Variants in MEF2C observed in about 807,000 individuals in gnomAD.
MEF2C encodes myocyte-specific enhancer factor 2C.
A neutral mutation model predicts 50.5 loss-of-function variants in MEF2C; 6 were observed. That is an observed-to-expected ratio of 0.12 (90% CI 0.07 to 0.23). The LOEUF is 0.23. MEF2C is among the 10% of genes least tolerant of loss of function. The probability of loss-of-function intolerance (pLI) is 1.00; values close to 1 mark genes in which losing one functional copy is unlikely to be tolerated. For synonymous variants in MEF2C, 183 were observed against 228.0 expected (o/e 0.80, Z 1.78); for missense variants, 276 against 605.0 (o/e 0.46, Z 5.70).
In MEF2C at chr5:88,789,667, G is replaced by A. The variant is rs79018131; in HGVS notation, c.258+14931C>T. ...CCTTCCAGCTAGTCATTAACTCTAT[G>A]ACCTTTAGAAATAATTGACAGAGAA... On this transcript the variant is annotated intron_variant, in intron 3 of 10. Coordinates refer to ENST00000504921, the MANE Select transcript of MEF2C (RefSeq NM_002397.5). Among the ~76,000 whole-genome samples, 1,491 of 152,168 alleles carry A rather than the reference G, an allele frequency of 9.8e-3. 15 individuals are homozygous for A. Among genetic ancestry groups the A allele is most frequent in the Non-Finnish European group, 0.015 (1,030 of 67,996 alleles).
intron 2 of MEF2C, among the ~76,000 whole-genome samples, chr5:88,810,828 T>C (rs1802466423): frequency 6.6e-6 from 1 of 152,220 alleles, no homozygotes; most frequent in Non-Finnish European, 1.5e-5. Flanking sequence ...GCATGCAACG[T>C]AAATCTGGGT....
chr5:88,752,297 C>A (rs1164437377), intron 4 of MEF2C, among the ~76,000 whole-genome samples: 1 of 152,160 alleles, frequency 6.6e-6, no homozygotes, highest in Non-Finnish European at 1.5e-5. Flanking sequence ...CATTAGACTC[C>A]ATTGTCTTTG....
At chr5:88,830,232 A>G (rs1812504827) in intron 1 of MEF2C, among the ~76,000 whole-genome samples, 1 of 152,080 alleles carries the variant, frequency 6.6e-6, no homozygotes, top group South Asian at 2.1e-4. Context: ...AATTTTCCCC[A>G]TGACCACGGC....
At chr5:88,853,249 T>A (rs1296953909) in intron 1 of MEF2C, among the ~76,000 whole-genome samples, 3 of 151,844 alleles carry the variant, frequency 2.0e-5, no homozygotes, top group Admixed American at 6.6e-5. Flanking sequence ...CATTTGTTTT[T>A]AAAAAAAAGT....
intron 6 of MEF2C, chr5:88,732,442 G>C (rs775937737): frequency 6.6e-6 from 1 of 152,542 alleles, no homozygotes; most frequent in East Asian, 1.9e-4. Flanking sequence ...TTCTCTCTAT[G>C]GTTTTTCTTC....
intron 1 of MEF2C, among the ~76,000 whole-genome samples, chr5:88,850,133 T>A (rs1176627281): frequency 6.6e-6 from 1 of 151,356 alleles, no homozygotes; most frequent in Non-Finnish European, 1.5e-5. Flanking sequence ...CCCCTTCCTG[T>A]GTGCATGTGC....
intron 3 of MEF2C, among the ~76,000 whole-genome samples, chr5:88,803,834 AT>A (rs1799319693): frequency 6.6e-6 from 1 of 152,202 alleles, no homozygotes; most frequent in Admixed American, 6.5e-5. Context: ...GGGAAAAAAA[AT>A]GTTCCAGCCA....
chr5:88,828,591 C>T (rs1477051458), intron 1 of MEF2C, among the ~76,000 whole-genome samples: 1 of 151,892 alleles, frequency 6.6e-6, no homozygotes, highest in Non-Finnish European at 1.5e-5. Flanking sequence ...TGATCATAAG[C>T]CCAGTTGCTG....
chr5:88,763,586 A>G (rs1235825421), intron 3 of MEF2C, among the ~76,000 whole-genome samples: 1 of 152,084 alleles, frequency 6.6e-6, no homozygotes. Flanking sequence ...AAAATATGTC[A>G]GATCAAGAAA....
At chr5:88,781,885 A>G (rs1254981643) in intron 3 of MEF2C, among the ~76,000 whole-genome samples, 1 of 152,160 alleles carries the variant, frequency 6.6e-6, no homozygotes, top group East Asian at 1.9e-4. Context: ...AGGCAGGAGA[A>G]TTGCTTGAGC....
intron 3 of MEF2C, among the ~76,000 whole-genome samples, chr5:88,767,293 T>C (rs1324381290): frequency 6.6e-6 from 1 of 152,246 alleles, no homozygotes; most frequent in Admixed American, 6.5e-5. Flanking sequence ...TGCCTTAGGC[T>C]GAGGGAAGAT....
intron 6 of MEF2C, chr5:88,733,459 G>C (rs1289914771): frequency 1.0e-6 from 1 of 985,234 alleles, no homozygotes; most frequent in Non-Finnish European, 1.2e-6. Context: ...TGGTCAGAAA[G>C]ATCTACTGGC....
At chr5:88,838,022 G>A (rs1815849939) in intron 1 of MEF2C, among the ~76,000 whole-genome samples, 1 of 152,098 alleles carries the variant, frequency 6.6e-6, no homozygotes, top group Admixed American at 6.6e-5. Flanking sequence ...CACACAGCTA[G>A]TGTTAGAGCT....
intron 3 of MEF2C, among the ~76,000 whole-genome samples, chr5:88,791,493 T>G (rs1793728033): frequency 6.6e-6 from 1 of 152,188 alleles, no homozygotes; most frequent in South Asian, 2.1e-4. Flanking sequence ...TTGCAAACTA[T>G]TAGAGCTGTG....
At chr5:88,886,496 G>A (rs777009281), upstream of MEF2C, among the ~76,000 whole-genome samples, 2 of 152,134 alleles carry the variant, frequency 1.3e-5, no homozygotes, top group South Asian at 2.1e-4. Context: ...GCTTCAGTTC[G>A]CTTATGTGTT....
chr5:88,896,589 C>T (rs1835142925), intron 1 of MEF2C, among the ~76,000 whole-genome samples: 1 of 152,084 alleles, frequency 6.6e-6, no homozygotes, highest in Admixed American at 6.6e-5. Context: ...ACAAATATTT[C>T]CCAACTTAGT....
At chr5:88,829,951 G>C (rs1410858776) in intron 1 of MEF2C, among the ~76,000 whole-genome samples, 1 of 151,958 alleles carries the variant, frequency 6.6e-6, no homozygotes, top group Non-Finnish European at 1.5e-5. Flanking sequence ...CTGCTCGTAT[G>C]ATTGCTTCCG....
chr5:88,876,276 T>C (rs1020427627), intron 1 of MEF2C, among the ~76,000 whole-genome samples: 2 of 151,586 alleles, frequency 1.3e-5, no homozygotes, highest in Non-Finnish European at 2.9e-5. Context: ...TGTTCTTCTG[T>C]GTGTGTGTGT....
chr5:88,768,555 A>G (rs1781004174), intron 3 of MEF2C: 1 of 274,912 alleles, frequency 3.6e-6, no homozygotes, highest in Non-Finnish European at 5.6e-6. Flanking sequence ...GAGCTACTAG[A>G]GGTTAGGAAT....
Sources: allele counts gnomAD v4.1 joint callset (sites outside exome capture counted in the v4.1 genomes callset), GRCh38; gene constraint gnomAD v4.1.1; transcripts MANE v1.5; gene names NCBI Gene and HGNC (gene_info 2026-07-23, HGNC 2026-07-21).